The following TAF4 variants were observed in gnomAD, a reference collection of about 807,000 sequenced individuals.
TAF4 encodes transcription initiation factor TFIID subunit 4.
TAF4 carries 9 observed loss-of-function variants against 90.3 expected under a neutral mutation model. That is an observed-to-expected ratio of 0.10 (90% CI 0.06 to 0.17). The LOEUF is 0.17. Ranked by LOEUF, TAF4 falls within the 10% of genes least tolerant of loss-of-function variation. The pLI, the probability that TAF4 is intolerant of heterozygous loss-of-function variation, is 1.00. For synonymous variants in TAF4, 818 were observed against 638.9 expected (o/e 1.28, Z -4.23); for missense variants, 1,351 against 1,370.7 (o/e 0.99, Z 0.23).
At position 62,036,034 on chromosome 20, in the gene TAF4, TAAA is replaced by T. The variant is rs1345485499; in HGVS notation, c.1361-21330_1361-21328del. 1.6e-3 allele frequency among the ~76,000 whole-genome samples: 218 copies of T among 132,804 alleles called. 3 individuals are homozygous for T. Among genetic ancestry groups the T allele is most frequent in the African/African-American group, 4.2e-3 (151 of 36,150 alleles). 87.1% of individuals were successfully genotyped at this position (132,804 alleles called of 152,430 possible). A position where few individuals can be genotyped will look rare whatever the true frequency, so the allele number is the denominator to read the frequency against. ...AATTAATCAAATTTCTTTTTTTTTT[TAAA>T]AAAAAAAAAGAGTTTTGCTCTTGTT... On this transcript the variant is annotated intron_variant, in intron 1 of 14. Coordinates refer to ENST00000252996, the MANE Select transcript of TAF4 (RefSeq NM_003185.4).
chr20:62,024,923 C>A (rs150561606), intron 1 of TAF4, among the ~76,000 whole-genome samples: 157 of 151,668 alleles, frequency 1.0e-3, no homozygotes, highest in African/African-American at 3.6e-3. Flanking sequence ...AGGTGGCAGA[C>A]GGATGCAAAT....
chr20:62,012,693 C>G, intron 3 of TAF4, 122 bp downstream of exon 3: 2 of 1,298,440 alleles, frequency 1.5e-6, no homozygotes, highest in Non-Finnish European at 2.0e-6. Context: ...CCTTCCTCCC[C>G]AGATTTGACG....
At chr20:62,049,912 G>A (rs1460152145) in intron 1 of TAF4, among the ~76,000 whole-genome samples, 1 of 152,100 alleles carries the variant, frequency 6.6e-6, no homozygotes, top group African/African-American at 2.4e-5. Flanking sequence ...AAGATGCTTG[G>A]AGCAAAGTGA....
At chr20:62,051,371 C>T (rs965047527) in intron 1 of TAF4, among the ~76,000 whole-genome samples, 4 of 152,192 alleles carry the variant, frequency 2.6e-5, no homozygotes, top group Non-Finnish European at 5.9e-5. Context: ...CGTCACCGCC[C>T]GGCCTGGCTA....
rs1485076685 is a variant in TAF4 at position 62,010,180 on chromosome 20, A to G, written c.1642-15T>C. The G allele has an allele frequency of 1.2e-6, 2 of 1,613,450 alleles. No individual in the cohort carries two copies. The highest frequency in any genetic ancestry group is 1.7e-6 in the Non-Finnish European group (2 of 1,179,986). On this transcript the variant is annotated splice_polypyrimidine_tract_variant and intron_variant, in intron 3 of 14. Coordinates refer to ENST00000252996, the MANE Select transcript of TAF4 (RefSeq NM_003185.4). The surrounding 1 kb of genome is among the most constrained non-coding windows in gnomAD (Gnocchi z 4.5). ...ACGAGCTGAGGCTACAAGAATCCAA[A>G]AACACAAGGTAAGGGCATCTCACGC...
chr20:62,009,967 T>G, intron 4 of TAF4, 79 bp downstream of exon 4: 1 of 1,594,396 alleles, frequency 6.3e-7, no homozygotes, highest in Non-Finnish European at 8.5e-7. Flanking sequence ...GAAGCCGGCC[T>G]GAGGTCTCAA....
chr20:62,043,419 T>G (rs1231120675), intron 1 of TAF4, among the ~76,000 whole-genome samples: 2 of 152,214 alleles, frequency 1.3e-5, no homozygotes, highest in African/African-American at 4.8e-5. Context: ...GTTAAGTTTA[T>G]AAAGTTATAG....
chr20:62,057,633 G>A (rs996530377), intron 1 of TAF4, among the ~76,000 whole-genome samples: 1 of 144,362 alleles, frequency 6.9e-6, no homozygotes, highest in African/African-American at 2.5e-5. Context: ...ACGGACACAG[G>A]CCTACACACC....
chr20:61,992,396 T>C (rs1356376560), intron 14 of TAF4, among the ~76,000 whole-genome samples: 1 of 152,192 alleles, frequency 6.6e-6, no homozygotes, highest in Non-Finnish European at 1.5e-5. Context: ...TTAATTCTAT[T>C]ATCTCCTATG....
At chr20:62,045,686 G>A (rs2055989388) in intron 1 of TAF4, among the ~76,000 whole-genome samples, 1 of 152,206 alleles carries the variant, frequency 6.6e-6, no homozygotes, top group African/African-American at 2.4e-5. Context: ...GGCTACATAA[G>A]CTATTGCCAC....
chr20:62,047,956 C>T (rs997381757), intron 1 of TAF4, among the ~76,000 whole-genome samples: 2 of 152,212 alleles, frequency 1.3e-5, no homozygotes, highest in Non-Finnish European at 2.9e-5. Flanking sequence ...TGCCCCGGGA[C>T]CGCCCCACAT....
intron 1 of TAF4, among the ~76,000 whole-genome samples, chr20:62,027,252 G>T (rs551019131): frequency 1.3e-5 from 2 of 152,158 alleles, no homozygotes; most frequent in Admixed American, 6.5e-5. Context: ...CCTGAGAGCC[G>T]AGCAGCGTCG....
Position 62,010,028 on chromosome 20 carries a change from G to A in TAF4, c.1761+18C>T. ...GGGCCTGACCGTCTTTGAAGGCACG[G>A]AAAGGAGTGGCTCTTACCGTGGCAG... is the stretch of plus-strand genomic sequence containing the variant. On this transcript the variant is annotated intron_variant, in intron 4 of 14. Transcript: ENST00000252996. The surrounding 1 kb of genome is among the most constrained non-coding windows in gnomAD (Gnocchi z 4.5). 5 of 1,612,570 alleles carry A rather than the reference G, an allele frequency of 3.1e-6. No individual in the cohort carries two copies. Among genetic ancestry groups the A allele is most frequent in the Non-Finnish European group, 4.2e-6 (5 of 1,179,898 alleles).
At chr20:62,003,047 C>T (rs756906320) in intron 9 of TAF4, 113 bp downstream of exon 9, 23 of 793,892 alleles carry the variant, frequency 2.9e-5, no homozygotes, top group Non-Finnish European at 3.6e-5. Flanking sequence ...CTTGGAGCCC[C>T]GGCCGCCAGG....
chr20:61,977,459 C>A (rs2055502935), intron 14 of TAF4, among the ~76,000 whole-genome samples: 1 of 152,244 alleles, frequency 6.6e-6, no homozygotes, highest in African/African-American at 2.4e-5. Flanking sequence ...CCAGTGGGAG[C>A]CTTGCTGTGA....
chr20:62,057,225 C>A (rs1327427542), intron 1 of TAF4, among the ~76,000 whole-genome samples: 1 of 152,218 alleles, frequency 6.6e-6, no homozygotes, highest in Non-Finnish European at 1.5e-5. Flanking sequence ...CCAGCTGACC[C>A]ACAAAGCCTC....
chr20:62,013,950 T>TGTGAGAGA (rs1491288481), intron 2 of TAF4, among the ~76,000 whole-genome samples: 1 of 126,298 alleles, frequency 7.9e-6, no homozygotes, highest in African/African-American at 3.1e-5. Flanking sequence ...TGTGTGTGTG[T>TGTGAGAGA]GAATCCGTGC....
chr20:62,042,268 G>A (rs965341699), intron 1 of TAF4, among the ~76,000 whole-genome samples: 6 of 152,166 alleles, frequency 3.9e-5, no homozygotes, highest in African/African-American at 9.7e-5. Flanking sequence ...GATCGGCTGC[G>A]GGACGGCTGA....
rs867843226 is a variant in TAF4, at chr20:62,065,493, G to C, written c.318C>G (p.Gly106=). 1.8e-5 allele frequency: 17 copies of C among 969,994 alleles called. No individual in the cohort carries two copies. Among genetic ancestry groups the C allele is most frequent in the Non-Finnish European group, 2.1e-5 (17 of 819,220 alleles). 60.1% of individuals were successfully genotyped at this position (969,994 alleles called of 1,614,324 possible). A position where few individuals can be genotyped will look rare whatever the true frequency, so the allele number is the denominator to read the frequency against. ...RPGGGGPQRP[G]PPSPRRPLVP... ...CAAGGGGGCGGCGCGGTGAGGGGGGGCCCGGGCGCTGCGGCCCCCCGCCCC... is the reference window on the plus strand; with the variant it reads ...CAAGGGGGCGGCGCGGTGAGGGGGGCCCCGGGCGCTGCGGCCCCCCGCCCC... The change falls in exon 1 of 15, where the codon GGC becomes GGG. Residue 106 remains glycine (G), a synonymous_variant. Coordinates refer to ENST00000252996, the MANE Select transcript of TAF4 (RefSeq NM_003185.4).
Sources: gnomAD v4.1 joint callset for allele counts (sites outside exome capture counted in the v4.1 genomes callset) on GRCh38, gnomAD v4.1.1 for gene constraint, Gnocchi (gnomAD v3.1) non-coding constraint, MANE v1.5 for transcripts, NCBI Gene and HGNC (gene_info 2026-07-23, HGNC 2026-07-21) for gene names.